CTNNA2: variants seen among roughly 807,000 people sequenced by gnomAD.
CTNNA2 encodes the protein catenin alpha 2, also known as catenin alpha-2.
CTNNA2 carries 42 observed loss-of-function variants against 101.0 expected under a neutral mutation model. That is an observed-to-expected ratio of 0.42 (90% CI 0.32 to 0.54). The LOEUF is 0.54. CTNNA2 is among the 20% of genes least tolerant of loss of function. The pLI is 0.14. For synonymous variants in CTNNA2, 450 were observed against 456.4 expected, an observed-to-expected ratio of 0.99 and a Z score of 0.18; for missense variants, 871 against 1,223.1, an observed-to-expected ratio of 0.71 and a Z score of 4.29.
chr2:79,382,577 T>C (rs1199701054), intron 4 of CTNNA2, among the ~76,000 whole-genome samples: 1 of 152,212 alleles, frequency 6.6e-6, no homozygotes, highest in East Asian at 1.9e-4. Context: ...AGGAATTTTA[T>C]AGCATTTAAA....
chr2:80,408,813 A>G (rs1679293302), intron 8 of CTNNA2, among the ~76,000 whole-genome samples: 1 of 152,164 alleles, frequency 6.6e-6, no homozygotes, highest in South Asian at 2.1e-4. Flanking sequence ...CCATAAACAC[A>G]TAGATCTTAA....
At position 79,627,457 on chromosome 2, in the gene CTNNA2, C is replaced by T. The variant is rs537329510; in HGVS notation, c.-5-24095C>T. ...GCAGAGTGCTGCCTGCTGCCTCCCC[C>T]TCATAGCAGATTTCCTGTCCTGCGT... On this transcript the variant is annotated intron_variant, in intron 1 of 18. Coordinates refer to ENST00000402739, the MANE Select transcript of CTNNA2 (RefSeq NM_001282597.3). 3.9e-5 allele frequency among the ~76,000 whole-genome samples: 6 copies of T among 152,312 alleles called. No homozygotes were observed. The South Asian group carries it at 1.2e-3, about 32-fold the overall frequency.
At chr2:79,438,869 T>C (rs1023597418) in intron 4 of CTNNA2, among the ~76,000 whole-genome samples, 1 of 152,200 alleles carries the variant, frequency 6.6e-6, no homozygotes, top group African/African-American at 2.4e-5. Context: ...AAAAATGACA[T>C]ACCACTTCAC....
chr2:80,490,290 C>CA (rs1273452675), intron 9 of CTNNA2, among the ~76,000 whole-genome samples: 1 of 104,056 alleles, frequency 9.6e-6, no homozygotes, highest in Non-Finnish European at 1.8e-5. Context: ...ACCCCCCCCC[C>CA]GGTAAAGCAC....
chr2:80,385,613 TCTC>T (rs1676925869), intron 7 of CTNNA2, among the ~76,000 whole-genome samples: 1 of 152,176 alleles, frequency 6.6e-6, no homozygotes, highest in African/African-American at 2.4e-5. Flanking sequence ...AAAGCTGACT[TCTC>T]TTTTCTTCCC....
intron 9 of CTNNA2, among the ~76,000 whole-genome samples, chr2:80,503,252 T>G (rs1688018013): frequency 6.6e-6 from 1 of 152,166 alleles, no homozygotes; most frequent in African/African-American, 2.4e-5. Context: ...CTTTCAATCA[T>G]AGGATATTAT....
intron 7 of CTNNA2, among the ~76,000 whole-genome samples, chr2:80,110,689 A>G (rs1293711336): frequency 6.6e-6 from 1 of 152,152 alleles, no homozygotes; most frequent in East Asian, 1.9e-4. Flanking sequence ...ATCAGGACTT[A>G]CCATCCAATC....
chr2:80,098,102 T>G (rs1276882386), intron 7 of CTNNA2, among the ~76,000 whole-genome samples: 1 of 152,170 alleles, frequency 6.6e-6, no homozygotes, highest in African/African-American at 2.4e-5. Flanking sequence ...GAGTTTCCAG[T>G]TTTTCTGCTC....
intron 1 of CTNNA2, among the ~76,000 whole-genome samples, chr2:79,514,997 A>C: frequency 6.6e-6 from 1 of 152,148 alleles, no homozygotes; most frequent in East Asian, 1.9e-4. Flanking sequence ...TGCCTTCCTA[A>C]GTGATTGAGT....
intron 4 of CTNNA2, among the ~76,000 whole-genome samples, chr2:79,382,975 C>T (rs1678056846): frequency 6.6e-6 from 1 of 152,140 alleles, no homozygotes; most frequent in Non-Finnish European, 1.5e-5. Context: ...CCTGGAGGAC[C>T]ACCTGTCAGT....
At chr2:80,339,051 A>C (rs1240902117) in intron 7 of CTNNA2, among the ~76,000 whole-genome samples, 1 of 152,160 alleles carries the variant, frequency 6.6e-6, no homozygotes, top group East Asian at 1.9e-4. Flanking sequence ...TTTGCTCTCT[A>C]TTGGCCAGTA....
chr2:79,197,827 G>A (rs1673982561), intron 1 of CTNNA2: 1 of 152,374 alleles, frequency 6.6e-6, no homozygotes, highest in South Asian at 2.1e-4. Flanking sequence ...AGGTTGGAGT[G>A]TAGTGGTGCA....
intron 3 of CTNNA2, among the ~76,000 whole-genome samples, chr2:79,830,691 A>C (rs1177299077): frequency 6.6e-6 from 1 of 152,176 alleles, no homozygotes; most frequent in African/African-American, 2.4e-5. Flanking sequence ...GGAAGGAGAA[A>C]GCTGGAGCTC....
chr2:80,251,111 A>G (rs537479562), intron 7 of CTNNA2, among the ~76,000 whole-genome samples: 23 of 152,190 alleles, frequency 1.5e-4, no homozygotes, highest in Non-Finnish European at 3.1e-4. Context: ...TATCTCCTCA[A>G]TGGTGTTTCT....
intron 9 of CTNNA2, among the ~76,000 whole-genome samples, chr2:80,459,569 G>C (rs1440533242): frequency 6.6e-6 from 1 of 152,130 alleles, no homozygotes; most frequent in African/African-American, 2.4e-5. Flanking sequence ...GTCAAAAGAT[G>C]AAGAGTTAAG....
chr2:80,240,680 T>C (rs757423126), intron 7 of CTNNA2, among the ~76,000 whole-genome samples: 7 of 152,194 alleles, frequency 4.6e-5, no homozygotes, highest in Non-Finnish European at 1.0e-4. Flanking sequence ...TCCTTCATCA[T>C]TAATACCATA....
intron 7 of CTNNA2, among the ~76,000 whole-genome samples, chr2:80,135,024 T>C (rs1254995964): frequency 3.3e-5 from 5 of 152,214 alleles, no homozygotes; most frequent in African/African-American, 4.8e-5. Context: ...TTTATTAAAA[T>C]GTGATCTGCA....
At chr2:79,970,206 T>C (rs969546620) in intron 7 of CTNNA2, among the ~76,000 whole-genome samples, 3 of 152,098 alleles carry the variant, frequency 2.0e-5, no homozygotes, top group Non-Finnish European at 4.4e-5. Flanking sequence ...CAAGCAATGG[T>C]AGGAGGACAG....
At chr2:79,311,362 C>T (rs887518971) in intron 2 of CTNNA2, among the ~76,000 whole-genome samples, 7 of 146,968 alleles carry the variant, frequency 4.8e-5, no homozygotes, top group Non-Finnish European at 7.4e-5. Context: ...TGAGCCGAGA[C>T]CGCACCACTG....
Sources: gnomAD v4.1 joint callset for allele counts (sites outside exome capture counted in the v4.1 genomes callset) on GRCh38, gnomAD v4.1.1 for gene constraint, MANE v1.5 for transcripts, NCBI Gene and HGNC (gene_info 2026-07-23, HGNC 2026-07-21) for gene names.